Variants in PTPRT observed in about 807,000 individuals in gnomAD.
PTPRT encodes receptor-type tyrosine-protein phosphatase T.
Under a neutral mutation model 176.8 loss-of-function variants are expected in PTPRT, and 56 were observed. The observed-to-expected ratio is 0.32, with a 90% CI of 0.26 to 0.40. PTPRT has a LOEUF of 0.40. Among genes scored for constraint, PTPRT ranks in the 10% least tolerant of loss-of-function variants. PTPRT has a pLI of 1.00. For missense variants in PTPRT, 1,540 were observed against 1,908.2 expected (o/e 0.81, Z 3.60); for synonymous variants, 783 against 739.0 (o/e 1.06, Z -0.96).
chr20:42,689,580 T>C (rs1019703817), intron 6 of PTPRT, among the ~76,000 whole-genome samples: 1 of 152,162 alleles, frequency 6.6e-6, no homozygotes, highest in Admixed American at 6.5e-5. Flanking sequence ...ATACACAGAA[T>C]AGTGGTCCCA....
intron 1 of PTPRT, among the ~76,000 whole-genome samples, chr20:42,973,447 C>CTG (rs763748495): frequency 2.0e-5 from 3 of 151,244 alleles, no homozygotes; most frequent in African/African-American, 7.4e-5. Context: ...CTCTCTCTCT[C>CTG]TGTGTGTGTT....
intron 9 of PTPRT, among the ~76,000 whole-genome samples, chr20:42,426,236 T>A (rs2059162641): frequency 6.6e-6 from 1 of 151,862 alleles, no homozygotes; most frequent in African/African-American, 2.4e-5. Context: ...TGTACCCATA[T>A]AAAACCCAAA....
At chr20:42,641,136 T>A (rs1275960281) in intron 7 of PTPRT, among the ~76,000 whole-genome samples, 1 of 152,194 alleles carries the variant, frequency 6.6e-6, no homozygotes, top group Non-Finnish European at 1.5e-5. Context: ...GCCCTGCATA[T>A]AGCATTTTCC....
At chr20:42,856,014 G>T (rs1364588103) in intron 2 of PTPRT, among the ~76,000 whole-genome samples, 4 of 152,124 alleles carry the variant, frequency 2.6e-5, no homozygotes. Flanking sequence ...AACGACAAAA[G>T]TCCATGAAAC....
Position 42,384,348 on chromosome 20 carries a change from G to T in PTPRT, c.1561-32063C>A, listed in dbSNP as rs552989147. On this transcript the variant is annotated intron_variant, in intron 9 of 30. Coordinates refer to ENST00000373187, the MANE Select transcript of PTPRT (RefSeq NM_007050.6). ...GTCAAAGCAAAGAAGTGACGGCAGT[G>T]GGGAAGGAGGCAAATGTGAGGTCAG... is the stretch of plus-strand genomic sequence containing the variant. 1.8e-3 allele frequency among the ~76,000 whole-genome samples: 270 copies of T among 152,314 alleles called. 2 individuals carry two copies. The highest frequency in any genetic ancestry group is 6.2e-3 in the African/African-American group (257 of 41,574).
At chr20:42,309,456 T>C (rs1281819548) in intron 12 of PTPRT, among the ~76,000 whole-genome samples, 1 of 152,050 alleles carries the variant, frequency 6.6e-6, no homozygotes, top group Non-Finnish European at 1.5e-5. Flanking sequence ...ATGAGACATC[T>C]GGGGAAAAAA....
At chr20:42,765,952 A>G (rs544927304) in intron 5 of PTPRT, among the ~76,000 whole-genome samples, 1 of 152,274 alleles carries the variant, frequency 6.6e-6, no homozygotes, top group East Asian at 1.9e-4. Flanking sequence ...CCATCTCTAG[A>G]TATTTCCTTA....
intron 7 of PTPRT, among the ~76,000 whole-genome samples, chr20:42,557,517 A>G (rs1407203478): frequency 6.6e-6 from 1 of 151,890 alleles, no homozygotes; most frequent in African/African-American, 2.4e-5. Flanking sequence ...CTTTCATGAC[A>G]CCCTTGGGCA....
At chr20:42,765,761 TTA>T (rs1396083324) in intron 5 of PTPRT, among the ~76,000 whole-genome samples, 4 of 152,036 alleles carry the variant, frequency 2.6e-5, no homozygotes, top group African/African-American at 7.2e-5. Context: ...AAGCTTAATA[TTA>T]TATGACTCTA....
intron 1 of PTPRT, among the ~76,000 whole-genome samples, chr20:42,910,002 T>C (rs759025540): frequency 6.6e-6 from 1 of 152,214 alleles, no homozygotes; most frequent in Non-Finnish European, 1.5e-5. Flanking sequence ...TAGCAGCTTC[T>C]TCCACGCCTC....
At chr20:42,826,102 A>G (rs2077987985) in intron 2 of PTPRT, among the ~76,000 whole-genome samples, 1 of 152,052 alleles carries the variant, frequency 6.6e-6, no homozygotes, top group African/African-American at 2.4e-5. Flanking sequence ...CAGAGAGGAT[A>G]TAGCTTCAAG....
At chr20:42,178,686 C>T (rs559477629) in intron 16 of PTPRT, among the ~76,000 whole-genome samples, 8 of 152,282 alleles carry the variant, frequency 5.3e-5, no homozygotes, top group Admixed American at 3.9e-4. Context: ...AGGTTGCACT[C>T]AAGCTGACCG....
At chr20:42,355,541 A>G (rs1038692766) in intron 9 of PTPRT, among the ~76,000 whole-genome samples, 1 of 152,196 alleles carries the variant, frequency 6.6e-6, no homozygotes, top group African/African-American at 2.4e-5. Context: ...CGCGTAGGCA[A>G]AGATCTGGGA....
At chr20:42,606,477 G>A (rs6030360) in intron 7 of PTPRT, among the ~76,000 whole-genome samples, 19,679 of 152,210 alleles carry the variant, frequency 0.13, 1,341 homozygotes, top group South Asian at 0.15. Context: ...CAGGCCCTGG[G>A]GGAATGACAG....
intron 7 of PTPRT, among the ~76,000 whole-genome samples, chr20:42,489,446 C>T (rs138390345): frequency 2.0e-5 from 3 of 151,974 alleles, no homozygotes; most frequent in African/African-American, 4.8e-5. Flanking sequence ...ATTTCTGTTG[C>T]GGGTTAAGCC....
intron 29 of PTPRT, among the ~76,000 whole-genome samples, chr20:42,084,045 A>C (rs1983623383): frequency 6.6e-6 from 1 of 152,258 alleles, no homozygotes; most frequent in Non-Finnish European, 1.5e-5. Context: ...ATGCCAAAGC[A>C]CTATAAGGTC....
intron 2 of PTPRT, among the ~76,000 whole-genome samples, chr20:42,837,764 C>G (rs2078207529): frequency 6.6e-6 from 1 of 152,096 alleles, no homozygotes; most frequent in Non-Finnish European, 1.5e-5. Flanking sequence ...AAACAAAAGT[C>G]CAGTGAAGAG....
intron 15 of PTPRT, among the ~76,000 whole-genome samples, chr20:42,208,505 TA>T (rs1307675426): frequency 6.6e-6 from 1 of 151,902 alleles, no homozygotes; most frequent in Non-Finnish European, 1.5e-5. Context: ...TAGTCTCTGA[TA>T]AAACCGACTT....
intron 15 of PTPRT, among the ~76,000 whole-genome samples, chr20:42,209,769 A>G (rs1477427881): frequency 6.6e-6 from 1 of 152,214 alleles, no homozygotes; most frequent in Non-Finnish European, 1.5e-5. Flanking sequence ...TCAATAGAAA[A>G]AGAGGGAATC....
Sources: allele counts gnomAD v4.1 joint callset (sites outside exome capture counted in the v4.1 genomes callset), GRCh38; gene constraint gnomAD v4.1.1; transcripts MANE v1.5; gene names NCBI Gene and HGNC (gene_info 2026-07-23, HGNC 2026-07-21).